Variants in BAG4 observed in about 807,000 individuals in gnomAD.
BAG4 encodes the protein BAG cochaperone 4, also known as BAG family molecular chaperone regulator 4.
In BAG4, 28 loss-of-function variants were observed where a neutral mutation model predicts 52.1. That is an observed-to-expected ratio of 0.54 (90% CI 0.40 to 0.74). The LOEUF (loss-of-function observed/expected upper bound fraction) is 0.74. BAG4 is among the 30% of genes least tolerant of loss of function. The pLI is 0.00. For missense variants in BAG4, 525 were observed against 572.0 expected (o/e 0.92, Z 0.84); for synonymous variants, 208 against 217.0 (o/e 0.96, Z 0.37).
rs768599089 is a variant in BAG4 at position 38,209,964 on chromosome 8, C to G, written c.889-44C>G. ...TAACAAATTTGATGTTGATGCATTC[C>G]CATTAAAACAGCTCTTTTCCTCTTT... On this transcript the variant is annotated intron_variant, in intron 4 of 4. Coordinates refer to ENST00000287322, the MANE Select transcript of BAG4 (RefSeq NM_004874.4). The G allele has an allele frequency of 4.4e-6, 7 of 1,581,384 alleles. No homozygotes were observed. The South Asian group carries it at 8.2e-5, about 18-fold the overall frequency.
chr8:38,201,880 ATTTTTTT>A (rs869085692), intron 2 of BAG4: 15 of 7,556 alleles, frequency 2.0e-3, no homozygotes, highest in Admixed American at 3.0e-3. Flanking sequence ...ATATATATAT[ATTTTTTT>A]TTTTTTTTTT....
chr8:38,182,761 A>T (rs191089899), intron 1 of BAG4, among the ~76,000 whole-genome samples: 1 of 152,244 alleles, frequency 6.6e-6, no homozygotes, highest in African/African-American at 2.4e-5. Context: ...ACAGACTTTC[A>T]CTGTTACTAG....
At chr8:38,193,019 G>A (rs1803501513) in intron 2 of BAG4, among the ~76,000 whole-genome samples, 1 of 151,974 alleles carries the variant, frequency 6.6e-6, no homozygotes, top group Non-Finnish European at 1.5e-5. Flanking sequence ...GACCCAGAAG[G>A]AACAAACATA....
At chr8:38,202,559 C>CTTT (rs577407833) in intron 2 of BAG4, among the ~76,000 whole-genome samples, 9 of 142,956 alleles carry the variant, frequency 6.3e-5, no homozygotes, top group African/African-American at 5.1e-5. Context: ...GCTCGGCCCC[C>CTTT]TTTTTTTTTT....
chr8:38,202,138 G>A (rs186548825), intron 2 of BAG4: 94 of 151,870 alleles, frequency 6.2e-4, no homozygotes, highest in African/African-American at 2.2e-3. Flanking sequence ...CACAATCTCA[G>A]GCTGTATCTC....
intron 1 of BAG4, among the ~76,000 whole-genome samples, chr8:38,177,514 G>C (rs1054038882): frequency 3.9e-5 from 6 of 152,198 alleles, no homozygotes; most frequent in African/African-American, 1.4e-4. Context: ...CCCGGGGAAG[G>C]GAAGTGGCTG....
At chr8:38,185,799 G>A (rs752179127) in intron 1 of BAG4, among the ~76,000 whole-genome samples, 3 of 152,192 alleles carry the variant, frequency 2.0e-5, no homozygotes, top group Non-Finnish European at 2.9e-5. Flanking sequence ...TCCTGACCTC[G>A]TGATCCACCT....
chr8:38,185,713 T>G (rs1327579053), intron 1 of BAG4, among the ~76,000 whole-genome samples: 1 of 152,116 alleles, frequency 6.6e-6, no homozygotes. Context: ...TTCAGGTATG[T>G]GTCACCACAC....
intron 2 of BAG4, 86 bp from the exon 3 acceptor site, chr8:38,207,426 A>G: frequency 6.9e-7 from 1 of 1,442,034 alleles, no homozygotes; most frequent in Admixed American, 2.1e-5. Flanking sequence ...ACATCTTCTC[A>G]AAGTTTTCAA....
intron 1 of BAG4, 82 bp from the exon 2 acceptor site, chr8:38,192,606 C>T: frequency 8.9e-7 from 1 of 1,118,860 alleles, no homozygotes; most frequent in Non-Finnish European, 1.3e-6. Context: ...TTTTTTAATC[C>T]TTATAACCTG....
At chr8:38,177,289 G>C in intron 1 of BAG4, 150 bp downstream of exon 1, 2 of 1,088,062 alleles carry the variant, frequency 1.8e-6, no homozygotes, top group Middle Eastern at 2.0e-4. Flanking sequence ...TCAGAGGTTG[G>C]GGGGACATGC....
Position 38,207,734 on chromosome 8 carries a change from A to AG in BAG4, c.606dup (p.Gln203AlafsTer24), listed in dbSNP as rs1347056564. The AG allele has an allele frequency of 1.2e-6, 2 of 1,613,992 alleles. No homozygotes were observed. Among genetic ancestry groups the AG allele is most frequent in the Admixed American group, 3.3e-5 (2 of 59,986 alleles). ...CTGTCAGACTGAAGCACCCCCTCTT[A>AG]GGGGGCAGGTTCCAGGATATCCGCC... On this transcript the variant is annotated frameshift_variant, in exon 3 of 5. Transcript: ENST00000287322. LOFTEE classifies it high-confidence loss of function.
Position 38,210,385 on chromosome 8 carries a change from A to G in BAG4, c.1266A>G (p.Glu422=), listed in dbSNP as rs757085829. ...LEEMLTKELL[E]LDSVETGGQD... ...AAATGCTAACCAAGGAACTTTTGGAACTGGATTCAGTTGAAACTGGGGGCC... is the reference window on the plus strand; with the variant it reads ...AAATGCTAACCAAGGAACTTTTGGAGCTGGATTCAGTTGAAACTGGGGGCC... Residue 422 remains glutamate (E), a synonymous_variant, in exon 5 of 5, where the codon GAA becomes GAG. Coordinates refer to ENST00000287322, the MANE Select transcript of BAG4 (RefSeq NM_004874.4). The G allele has an allele frequency of 6.2e-7, 1 of 1,614,208 alleles. No homozygotes were observed. Among genetic ancestry groups the G allele is most frequent in the Non-Finnish European group, 8.5e-7 (1 of 1,180,030 alleles).
intron 3 of BAG4, among the ~76,000 whole-genome samples, chr8:38,208,775 C>G (rs1803818117): frequency 6.6e-6 from 1 of 152,008 alleles, no homozygotes; most frequent in Non-Finnish European, 1.5e-5. Flanking sequence ...AATTTTTAGG[C>G]CTTATTCCTT....
intron 1 of BAG4, among the ~76,000 whole-genome samples, chr8:38,191,465 A>C (rs1157340470): frequency 1.3e-5 from 2 of 152,174 alleles, no homozygotes; most frequent in Admixed American, 1.3e-4. Context: ...TCAAGCTTAA[A>C]ACTATACTTG....
intron 1 of BAG4, among the ~76,000 whole-genome samples, chr8:38,190,600 A>ATTT (rs540081789): frequency 7.6e-5 from 10 of 131,222 alleles, no homozygotes; most frequent in African/African-American, 2.8e-4. Context: ...CCCACCTGAC[A>ATTT]TTTTTTTTTT....
Position 38,207,687 on chromosome 8 carries a change from G to A in BAG4, c.554G>A (p.Arg185His), listed in dbSNP as rs61754115. 92 of 1,614,054 alleles carry A rather than the reference G, an allele frequency of 5.7e-5. No individual in the cohort carries two copies. The African/African-American group carries it at 8.0e-4, about 14-fold the overall frequency. ...SSGNSPTPVS[R>H]WIYPQQDCQT... The stretch of plus-strand genomic sequence containing the variant: ...GGCAACAGCCCAACTCCAGTCTCTC[G>A]TTGGATCTATCCCCAGCAGGACTGT... Residue 185 changes from arginine to histidine, a missense_variant, in exon 3 of 5, where the codon CGT (arginine) becomes CAT (histidine). Physicochemically the swap from Arg to His is conservative, Grantham distance 29. This residue lies in a region of BAG4 where 287 missense variants were observed against 266.1 expected (regional missense o/e 1.08). Coordinates refer to ENST00000287322, the MANE Select transcript of BAG4 (RefSeq NM_004874.4).
At chr8:38,190,359 T>C (rs958265968) in intron 1 of BAG4, among the ~76,000 whole-genome samples, 2 of 152,198 alleles carry the variant, frequency 1.3e-5, no homozygotes, top group African/African-American at 2.4e-5. Context: ...CCACTAAAGA[T>C]GTCCATTCAG....
chr8:38,198,678 T>C (rs1182436937), intron 2 of BAG4, among the ~76,000 whole-genome samples: 1 of 151,748 alleles, frequency 6.6e-6, no homozygotes, highest in African/African-American at 2.4e-5. Context: ...TTAGTGGAGA[T>C]GGGTTTCACC....
Sources: allele counts gnomAD v4.1 joint callset (sites outside exome capture counted in the v4.1 genomes callset), GRCh38; gene constraint gnomAD v4.1.1; regional missense constraint gnomAD v4.1.1; transcripts MANE v1.5; gene names NCBI Gene and HGNC (gene_info 2026-07-23, HGNC 2026-07-21).